Variants in ATXN2 observed in about 807,000 individuals in gnomAD.
ATXN2 encodes the protein ataxin-2.
A neutral mutation model predicts 138.6 loss-of-function variants in ATXN2; 37 were observed. The observed-to-expected ratio is 0.27, with a 90% confidence interval of 0.21 to 0.35. The LOEUF (loss-of-function observed/expected upper bound fraction) is 0.35, where lower values mean the gene tolerates loss of function less well. Among genes scored for constraint, ATXN2 ranks in the 10% least tolerant of loss-of-function variants. The pLI is 1.00. For missense variants in ATXN2, 1,216 were observed against 1,480.3 expected, an observed-to-expected ratio of 0.82 and a Z score of 2.93; for synonymous variants, 549 against 543.7, an observed-to-expected ratio of 1.01 and a Z score of -0.13.
At chr12:111,528,968 T>A (rs1371722747) in intron 5 of ATXN2, among the ~76,000 whole-genome samples, 1 of 152,112 alleles carries the variant, frequency 6.6e-6, no homozygotes, top group Non-Finnish European at 1.5e-5. Flanking sequence ...TTAAAAAAAA[T>A]TTGTTTTTGT....
At chr12:111,533,469 A>C (rs977472126) in intron 5 of ATXN2, among the ~76,000 whole-genome samples, 22 of 152,196 alleles carry the variant, frequency 1.4e-4, no homozygotes, top group African/African-American at 5.3e-4. Context: ...CAAGAAAAAA[A>C]GTCTGTACAT....
intron 1 of ATXN2, among the ~76,000 whole-genome samples, chr12:111,563,786 G>T (rs1882831639): frequency 1.3e-5 from 2 of 152,072 alleles, no homozygotes; most frequent in Non-Finnish European, 2.9e-5. Flanking sequence ...ATTGTCCAAG[G>T]CATTTTTTAA....
chr12:111,477,035 T>C (rs961628100), intron 18 of ATXN2, among the ~76,000 whole-genome samples: 1 of 151,602 alleles, frequency 6.6e-6, no homozygotes. Flanking sequence ...TACAATACAG[T>C]CAACTGAATT....
At chr12:111,530,018 CA>C (rs1477240094) in intron 5 of ATXN2, among the ~76,000 whole-genome samples, 1 of 152,164 alleles carries the variant, frequency 6.6e-6, no homozygotes, top group Non-Finnish European at 1.5e-5. Flanking sequence ...ATCAAAGTTC[CA>C]TATAAACCTA....
At chr12:111,510,302 C>G in intron 12 of ATXN2, 83 bp downstream of exon 12, 1 of 1,420,228 alleles carries the variant, frequency 7.0e-7, no homozygotes, top group Non-Finnish European at 9.6e-7. Context: ...TAAAAATAAC[C>G]TAGAATTTTT....
At chr12:111,544,263 C>T (rs569878777) in intron 5 of ATXN2, among the ~76,000 whole-genome samples, 4 of 152,260 alleles carry the variant, frequency 2.6e-5, no homozygotes, top group South Asian at 2.1e-4. Context: ...CAGCAAGGAA[C>T]ACATCCCAGA....
intron 14 of ATXN2, among the ~76,000 whole-genome samples, chr12:111,501,346 G>C (rs915377599): frequency 1.3e-5 from 2 of 152,144 alleles, no homozygotes; most frequent in Admixed American, 6.6e-5. Context: ...GCTGAAAAAA[G>C]GGGGAGCAAG....
intron 10 of ATXN2, among the ~76,000 whole-genome samples, chr12:111,515,731 A>G (rs1879817014): frequency 6.6e-6 from 1 of 152,198 alleles, no homozygotes; most frequent in Admixed American, 6.5e-5. Flanking sequence ...AAAGACCCAG[A>G]AAACACCATC....
chr12:111,470,765 C>A, intron 18 of ATXN2, 23 bp from the exon 19 acceptor site: 1 of 1,612,334 alleles, frequency 6.2e-7, no homozygotes, highest in Non-Finnish European at 8.5e-7. Flanking sequence ...AAGCAGACTG[C>A]CTATTAAACA....
intron 1 of ATXN2, chr12:111,597,777 C>G (rs924394039): frequency 5.6e-6 from 6 of 1,064,064 alleles, no homozygotes; most frequent in Non-Finnish European, 7.7e-6. Context: ...CCGACCACGT[C>G]CCCTGCTGCA....
intron 5 of ATXN2, among the ~76,000 whole-genome samples, chr12:111,536,777 G>GTTTTTT (rs750371516): frequency 1.9e-4 from 18 of 96,806 alleles, no homozygotes; most frequent in East Asian, 3.9e-4. Context: ...TCCACACGCA[G>GTTTTTT]TTTTTTTTTT....
intron 7 of ATXN2, 144 bp downstream of exon 7, chr12:111,520,738 A>T (rs993979135): frequency 3.6e-6 from 2 of 558,628 alleles, no homozygotes; most frequent in African/African-American, 4.0e-5. Context: ...TTTTAATGGA[A>T]ATTTATCACA....
At chr12:111,533,898 C>T (rs897589093) in intron 5 of ATXN2, among the ~76,000 whole-genome samples, 2 of 152,000 alleles carry the variant, frequency 1.3e-5, no homozygotes, top group Non-Finnish European at 2.9e-5. Context: ...AGAGGGCTGA[C>T]TGTATTTGCA....
intron 5 of ATXN2, among the ~76,000 whole-genome samples, chr12:111,537,891 T>A (rs1881281452): frequency 6.6e-6 from 1 of 151,154 alleles, no homozygotes; most frequent in Non-Finnish European, 1.5e-5. Flanking sequence ...AGGCCCAGAG[T>A]TTGAGACCAG....
chr12:111,486,485 G>C (rs903859320), intron 16 of ATXN2, among the ~76,000 whole-genome samples: 1 of 152,180 alleles, frequency 6.6e-6, no homozygotes, highest in Non-Finnish European at 1.5e-5. Flanking sequence ...TGCAGAGGAC[G>C]TATCTATAAA....
rs1222556745 is a variant in ATXN2 at position 111,538,987 on chromosome 12, TAA to T, written c.571+13291_571+13292del. On this transcript the variant is annotated intron_variant, in intron 5 of 24. Transcript: ENST00000673436. Reference sequence around the variant, plus strand: ...AACAAGGTGACAGATTCCACGTACGTAATACTAGATTGCTGATTCCCACACTA... The same window carrying T: ...AACAAGGTGACAGATTCCACGTACGTTACTAGATTGCTGATTCCCACACTA... Among the ~76,000 whole-genome samples the T allele has an allele frequency of 4.7e-4, 71 of 150,206 alleles. 1 individual carries two copies. The highest frequency in any genetic ancestry group is 1.6e-3 in the African/African-American group (68 of 41,290).
intron 1 of ATXN2, among the ~76,000 whole-genome samples, chr12:111,596,247 A>ACACACAC (rs1884937147): frequency 2.3e-5 from 3 of 130,814 alleles, no homozygotes; most frequent in Admixed American, 8.2e-5. Flanking sequence ...CACACACACA[A>ACACACAC]AATTAGATTA....
rs1327968259 is a variant in ATXN2, at chr12:111,453,475, C to G, written c.3439+202G>C. ...CATCAAGCCAAATCCTGTATACCAT[C>G]AGAACACACACAGACTCGGCTCCCG... On this transcript the variant is annotated intron_variant, in intron 24 of 24. Transcript: ENST00000673436. The surrounding 1 kb of genome is among the most constrained non-coding windows in gnomAD (Gnocchi z 5.4). The G allele has an allele frequency of 1.5e-6, 2 of 1,315,404 alleles. No homozygotes were observed. The highest frequency in any genetic ancestry group is 1.9e-6 in the Non-Finnish European group (2 of 1,035,452). The allele number at this position is 1,315,404 out of a possible 1,614,324, so 81.5% of individuals were successfully genotyped here.
chr12:111,503,209 T>C (rs373890477), intron 14 of ATXN2, among the ~76,000 whole-genome samples: 276 of 152,382 alleles, frequency 1.8e-3, no homozygotes, highest in African/African-American at 6.4e-3. Flanking sequence ...TTTGGGGCTA[T>C]GAGCATGTCA....
Sources: allele counts gnomAD v4.1 joint callset (sites outside exome capture counted in the v4.1 genomes callset), GRCh38; gene constraint gnomAD v4.1.1; non-coding constraint Gnocchi (gnomAD v3.1); transcripts MANE v1.5; gene names NCBI Gene and HGNC (gene_info 2026-07-23, HGNC 2026-07-21).